The following PATJ variants were observed in gnomAD, a reference collection of about 807,000 sequenced individuals.
PATJ encodes the protein PATJ crumbs cell polarity complex component, also known as inaD-like protein.
Under a neutral mutation model 224.9 loss-of-function variants are expected in PATJ, and 190 were observed. The observed-to-expected ratio is 0.84, with a 90% CI of 0.75 to 0.95. The LOEUF (loss-of-function observed/expected upper bound fraction) is 0.95. PATJ is among the 40% of genes least tolerant of loss of function. The pLI is 0.00. For missense variants in PATJ, 2,121 were observed against 2,270.3 expected (o/e 0.93, Z 1.34); for synonymous variants, 769 against 820.3 (o/e 0.94, Z 1.07).
chr1:62,141,380 G>A (rs541491521), intron 41 of PATJ, among the ~76,000 whole-genome samples: 2 of 152,210 alleles, frequency 1.3e-5, no homozygotes, highest in Admixed American at 6.5e-5. Flanking sequence ...ACGGCTGAAT[G>A]TAAAATGAGC....
rs185264913 is a variant in PATJ, at chr1:61,982,682, A to G, written c.3671-7486A>G. Among the ~76,000 whole-genome samples the G allele has an allele frequency of 5.9e-4, 81 of 137,278 alleles. 2 individuals are homozygous for G. Among genetic ancestry groups the G allele is most frequent in the African/African-American group, 2.2e-3 (76 of 34,630 alleles). 90.1% of individuals were successfully genotyped at this position (137,278 alleles called of 152,430 possible). A position where few individuals can be genotyped will look rare whatever the true frequency, so the allele number is the denominator to read the frequency against. On this transcript the variant is annotated intron_variant, in intron 27 of 43. Coordinates refer to ENST00000642238, the MANE Select transcript of PATJ (RefSeq NM_001350145.3). The stretch of plus-strand genomic sequence containing the variant: ...TGGAGAATTTTATACATGATTTGTT[A>G]GAGAAAAAAAATTGAACTATATGCT...
chr1:61,932,092 C>T (rs1321526373), intron 27 of PATJ, among the ~76,000 whole-genome samples: 1 of 152,156 alleles, frequency 6.6e-6, no homozygotes, highest in African/African-American at 2.4e-5. Flanking sequence ...AGATCCATGG[C>T]TTTCAAACTT....
At chr1:61,798,005 C>T (rs912538171) in intron 11 of PATJ, among the ~76,000 whole-genome samples, 32 of 152,038 alleles carry the variant, frequency 2.1e-4, no homozygotes, top group Non-Finnish European at 4.6e-4. Context: ...AGGGTTTCAC[C>T]GTGTTGGTAA....
chr1:61,930,843 GATTATAGGA>G (rs1260925711), intron 27 of PATJ, among the ~76,000 whole-genome samples: 1 of 152,140 alleles, frequency 6.6e-6, no homozygotes, highest in Non-Finnish European at 1.5e-5. Context: ...GAGTAGCAGG[GATTATAGGA>G]ATGCGCCACC....
intron 24 of PATJ, among the ~76,000 whole-genome samples, chr1:61,904,037 G>A (rs1049250476): frequency 6.6e-5 from 10 of 152,120 alleles, no homozygotes; most frequent in Non-Finnish European, 1.3e-4. Context: ...GCCTCCCAAA[G>A]TGCTGGGATT....
At position 62,050,988 on chromosome 1, in the gene PATJ, TTAG is replaced by T. The variant is rs1246467295; in HGVS notation, c.4060_4062del (p.Ser1354del). ...TAGGATCAGAGCGGCACCGAACCTA[TTAG>T]TAGTGAGGAAGATGGCAGCGTCGAA... On this transcript the variant is annotated inframe_deletion, in exon 31 of 44. Transcript: ENST00000642238. 6 of 1,613,832 alleles carry T rather than the reference TTAG, an allele frequency of 3.7e-6. No homozygotes were observed. The highest frequency in any genetic ancestry group is 5.1e-6 in the Non-Finnish European group (6 of 1,179,846).
intron 17 of PATJ, among the ~76,000 whole-genome samples, chr1:61,849,634 C>A (rs1159727779): frequency 6.6e-6 from 1 of 152,180 alleles, no homozygotes; most frequent in Non-Finnish European, 1.5e-5. Context: ...CATATTTCCT[C>A]TCATGAGTTT....
chr1:62,097,836 G>C (rs1478623065), intron 33 of PATJ, among the ~76,000 whole-genome samples: 1 of 152,184 alleles, frequency 6.6e-6, no homozygotes, highest in Non-Finnish European at 1.5e-5. Context: ...GGATTCTTCT[G>C]ACCTACCATT....
intron 28 of PATJ, among the ~76,000 whole-genome samples, chr1:62,008,282 G>A (rs958050510): frequency 3.3e-5 from 5 of 152,138 alleles, no homozygotes; most frequent in African/African-American, 1.2e-4. Context: ...TTGAAGGACA[G>A]TCCCTTACAA....
At chr1:61,833,539 G>T (rs779536820) in intron 16 of PATJ, 115 bp from the exon 17 acceptor site, 4 of 968,456 alleles carry the variant, frequency 4.1e-6, no homozygotes, top group Middle Eastern at 2.5e-4. Context: ...GAAAAACTAC[G>T]CATGCCAAAG....
Position 62,148,272 on chromosome 1 carries a change from CT to C in PATJ, c.5272-7del. 3 of 1,594,980 alleles carry C rather than the reference CT, an allele frequency of 1.9e-6. No homozygotes were observed. Among genetic ancestry groups the C allele is most frequent in the Non-Finnish European group, 2.6e-6 (3 of 1,164,762 alleles). ...TTTATAATGAAATACCTTTTTTTCA[CT>C]TTTTCCCCAGGTTGTAGCAGATACC... On this transcript the variant is annotated splice_polypyrimidine_tract_variant and intron_variant, in intron 41 of 43. Transcript: ENST00000642238.
At chr1:61,936,432 CAAAAAAAAAA>C (rs11455787) in intron 27 of PATJ, among the ~76,000 whole-genome samples, 6 of 92,736 alleles carry the variant, frequency 6.5e-5, no homozygotes, top group Non-Finnish European at 1.0e-4. Flanking sequence ...CTTCCAAGAC[CAAAAAAAAAA>C]AAAAAAAAAG....
At chr1:62,124,022 T>G (rs963310369) in intron 39 of PATJ, among the ~76,000 whole-genome samples, 1 of 152,116 alleles carries the variant, frequency 6.6e-6, no homozygotes, top group Non-Finnish European at 1.5e-5. Flanking sequence ...ATTCATAAAT[T>G]TGTCGAACCC....
At chr1:62,114,287 C>T (rs1310512795) in intron 35 of PATJ, 41 bp downstream of exon 35, 2 of 1,552,514 alleles carry the variant, frequency 1.3e-6, no homozygotes, top group African/African-American at 1.4e-5. Flanking sequence ...CCTTTTTCAT[C>T]CAGAGCTCTG....
chr1:61,930,531 A>G (rs1675871168), intron 27 of PATJ, among the ~76,000 whole-genome samples: 1 of 152,080 alleles, frequency 6.6e-6, no homozygotes, highest in South Asian at 2.1e-4. Context: ...GCCTACAGGG[A>G]AGTGCTGATT....
chr1:61,875,128 A>T (rs555060910), intron 20 of PATJ, 115 bp from the exon 21 acceptor site: 37 of 600,876 alleles, frequency 6.2e-5, no homozygotes, highest in Admixed American at 4.1e-4. Flanking sequence ...TTACTTGAGA[A>T]TGCCTGTTTG....
At chr1:61,752,639 T>A (rs1278178812) in intron 1 of PATJ, among the ~76,000 whole-genome samples, 1 of 152,220 alleles carries the variant, frequency 6.6e-6, no homozygotes, top group Non-Finnish European at 1.5e-5. Flanking sequence ...ATTTCTTTTT[T>A]AAAAAATTTA....
intron 6 of PATJ, among the ~76,000 whole-genome samples, chr1:61,774,728 G>A (rs1221607162): frequency 1.3e-5 from 2 of 152,058 alleles, no homozygotes; most frequent in Non-Finnish European, 2.9e-5. Flanking sequence ...GTCTTCCTTT[G>A]TAGTGCAACT....
chr1:61,959,569 G>C (rs1680974481), intron 27 of PATJ, among the ~76,000 whole-genome samples: 1 of 150,422 alleles, frequency 6.6e-6, no homozygotes, highest in South Asian at 2.1e-4. Flanking sequence ...CAAGTAGCTG[G>C]GACCGACCAC....
Sources: gnomAD v4.1 joint callset for allele counts (sites outside exome capture counted in the v4.1 genomes callset) on GRCh38, gnomAD v4.1.1 for gene constraint, MANE v1.5 for transcripts, NCBI Gene and HGNC (gene_info 2026-07-23, HGNC 2026-07-21) for gene names.